Variants in GLI3 observed in about 807,000 individuals in gnomAD.
The protein encoded by GLI3 is transcription activator GLI3.
GLI3 carries 20 observed loss-of-function variants against 100.8 expected under a neutral mutation model. That is an observed-to-expected ratio of 0.20 (90% CI 0.14 to 0.29). The LOEUF (loss-of-function observed/expected upper bound fraction) is 0.29. Ranked by LOEUF, GLI3 falls within the 10% of genes least tolerant of loss-of-function variation. GLI3 has a pLI of 1.00. For synonymous variants in GLI3, 938 were observed against 860.5 expected (o/e 1.09, Z -1.58); for missense variants, 2,040 against 2,128.5 (o/e 0.96, Z 0.82).
intron 3 of GLI3, among the ~76,000 whole-genome samples, chr7:42,138,268 A>T (rs552533307): frequency 1.3e-5 from 2 of 152,354 alleles, no homozygotes; most frequent in South Asian, 4.1e-4. Flanking sequence ...AGTCCCCCAG[A>T]GGCACTCAGG....
chr7:41,983,338 C>T (rs1452010819), intron 10 of GLI3, among the ~76,000 whole-genome samples: 1 of 152,002 alleles, frequency 6.6e-6, no homozygotes, highest in Non-Finnish European at 1.5e-5. Flanking sequence ...AAGGGAGGGC[C>T]ATACATTAGG....
upstream of GLI3, among the ~76,000 whole-genome samples, chr7:42,238,122 C>G (rs1583670488): frequency 6.6e-6 from 1 of 151,488 alleles, no homozygotes; most frequent in Non-Finnish European, 1.5e-5. Flanking sequence ...CGCGCCCTCC[C>G]GGCGCGCCGA....
intron 3 of GLI3, among the ~76,000 whole-genome samples, chr7:42,126,070 A>G (rs1047806576): frequency 6.6e-6 from 1 of 152,230 alleles, no homozygotes; most frequent in African/African-American, 2.4e-5. Context: ...AGAGAAAAAT[A>G]TTTAAAACAC....
intron 3 of GLI3, among the ~76,000 whole-genome samples, chr7:42,125,439 A>G (rs893128505): frequency 6.6e-6 from 1 of 152,220 alleles, no homozygotes; most frequent in Non-Finnish European, 1.5e-5. Context: ...CGGGCAGCAG[A>G]TAGCAGGCTT....
intron 3 of GLI3, among the ~76,000 whole-genome samples, chr7:42,125,193 C>T (rs551432134): frequency 1.3e-3 from 196 of 152,268 alleles, no homozygotes; most frequent in Non-Finnish European, 1.8e-3. Flanking sequence ...TTTGTAAGTA[C>T]CAACAACTTG....
chr7:42,261,793 T>C (rs1451545216), intron 1 of GLI3, among the ~76,000 whole-genome samples: 1 of 152,098 alleles, frequency 6.6e-6, no homozygotes, highest in African/African-American at 2.4e-5. Context: ...GAGATTTAAG[T>C]GAATTGAAAA....
intron 3 of GLI3, among the ~76,000 whole-genome samples, chr7:42,078,726 G>GTTTTT (rs10709803): frequency 1.1e-5 from 1 of 94,674 alleles, no homozygotes. Flanking sequence ...ATTTATCACA[G>GTTTTT]TTTTTTTTTT....
chr7:41,970,374 C>T lies in GLI3; in HGVS notation c.2103+1963G>A, dbSNP rs536830543. Among the ~76,000 whole-genome samples the T allele has an allele frequency of 3.9e-5, 6 of 152,228 alleles. No homozygotes were observed. The South Asian group carries it at 1.2e-3, about 32-fold the overall frequency. ...ACTTTTAAATGTGTGTGAGCATATACACACATAATATCTGCTGTGGAAATG... is the reference window on the plus strand; with the variant it reads ...ACTTTTAAATGTGTGTGAGCATATATACACATAATATCTGCTGTGGAAATG... On this transcript the variant is annotated intron_variant, in intron 13 of 14. Transcript: ENST00000395925.
intron 7 of GLI3, among the ~76,000 whole-genome samples, chr7:42,027,386 ATGTATGTATTTCTCCC>A (rs1789149705): frequency 6.6e-6 from 1 of 152,278 alleles, no homozygotes; most frequent in Admixed American, 6.5e-5. Context: ...ATATATATAT[ATGTATGTATTTCTCCC>A]TGTCCTGCTG....
chr7:42,223,572 A>G (rs1260386259), intron 1 of GLI3, among the ~76,000 whole-genome samples: 1 of 152,244 alleles, frequency 6.6e-6, no homozygotes, highest in African/African-American at 2.4e-5. Flanking sequence ...CAAACGGTAT[A>G]AAAATCTCAA....
chr7:42,261,980 CTTTCTTTCTTTCTTTCTTTCT>C (rs1283182101), intron 1 of GLI3, among the ~76,000 whole-genome samples: 2 of 5,460 alleles, frequency 3.7e-4, no homozygotes, highest in Admixed American at 2.8e-3. Context: ...CTCGCTCTCT[CTTTCTTTCTTTCTTTCTTTCT>C]TTTCTTTCTT....
intron 3 of GLI3, among the ~76,000 whole-genome samples, chr7:42,113,862 C>T (rs1201318668): frequency 6.6e-6 from 1 of 152,188 alleles, no homozygotes; most frequent in Non-Finnish European, 1.5e-5. Flanking sequence ...TGAGAGACTT[C>T]CTCTTGGCTC....
chr7:41,979,399 T>G (rs913324376), intron 10 of GLI3, among the ~76,000 whole-genome samples: 39 of 152,356 alleles, frequency 2.6e-4, no homozygotes, highest in African/African-American at 8.7e-4. Flanking sequence ...CTTGGTTTTC[T>G]TCTTGTAGAA....
chr7:42,154,403 C>T (rs1369913712), intron 2 of GLI3, among the ~76,000 whole-genome samples: 6 of 152,164 alleles, frequency 3.9e-5, no homozygotes, highest in Non-Finnish European at 8.8e-5. Context: ...AGCTTGGGGC[C>T]CCACCCTCCT....
At chr7:41,976,155 T>C (rs1332857752) in intron 12 of GLI3, among the ~76,000 whole-genome samples, 1 of 152,196 alleles carries the variant, frequency 6.6e-6, no homozygotes, top group Non-Finnish European at 1.5e-5. Flanking sequence ...TCTATGTATC[T>C]ATCTATTCTA....
intron 4 of GLI3, among the ~76,000 whole-genome samples, chr7:42,056,044 C>T (rs143705201): frequency 2.4e-3 from 360 of 152,258 alleles, no homozygotes; most frequent in Admixed American, 5.8e-3. Context: ...CGGGCTCTCT[C>T]CTCTTGTCTG....
rs895844252 is a variant in GLI3 at position 41,980,110 on chromosome 7, T to A, written c.1498-1362A>T. On this transcript the variant is annotated intron_variant, in intron 10 of 14. Transcript: ENST00000395925. ...CCTTGGAGCAGTTCCCAGAAAAATC[T>A]GATGAAGAGCAGAGAGAGAGTGGTA... 3.3e-5 allele frequency among the ~76,000 whole-genome samples: 5 copies of A among 152,316 alleles called. No individual in the cohort carries two copies. The East Asian group carries it at 5.8e-4, about 18-fold the overall frequency.
At chr7:42,121,518 T>C (rs550237716) in intron 3 of GLI3, among the ~76,000 whole-genome samples, 1 of 152,332 alleles carries the variant, frequency 6.6e-6, no homozygotes, top group East Asian at 1.9e-4. Context: ...CAATTGTTAA[T>C]TGCAACCTGC....
At position 41,964,295 on chromosome 7, in the gene GLI3, G is replaced by A. The variant is rs775517033; in HGVS notation, c.*35C>T. 1.9e-6 allele frequency: 3 copies of A among 1,599,738 alleles called. No individual in the cohort carries two copies. The South Asian group carries it at 3.3e-5, about 18-fold the overall frequency. Reference sequence around the variant, plus strand: ...CAGTTTAATCTCTTCAACTCCTATTGATTTCCGTTGGTTGCAGTCTTTTTT... The same window carrying A: ...CAGTTTAATCTCTTCAACTCCTATTAATTTCCGTTGGTTGCAGTCTTTTTT... On this transcript the variant is annotated 3_prime_UTR_variant, in exon 15 of 15. Transcript: ENST00000395925.
Sources: gnomAD v4.1 joint callset for allele counts (sites outside exome capture counted in the v4.1 genomes callset) on GRCh38, gnomAD v4.1.1 for gene constraint, MANE v1.5 for transcripts, NCBI Gene and HGNC (gene_info 2026-07-23, HGNC 2026-07-21) for gene names.